Variants in HTR1D observed in about 807,000 individuals in gnomAD.
HTR1D encodes the protein 5-hydroxytryptamine receptor 1D, also known as 5-HT-1D.
A neutral mutation model predicts 21.1 loss-of-function variants in HTR1D; 18 were observed. The observed-to-expected ratio is 0.85, with a 90% CI of 0.59 to 1.27. HTR1D has a LOEUF of 1.27. Ranked by LOEUF, HTR1D falls within the 50% of genes most tolerant of loss-of-function variation. The probability of loss-of-function intolerance (pLI) is 0.00; values close to 1 mark genes in which losing one functional copy is unlikely to be tolerated. For synonymous variants in HTR1D, 196 were observed against 204.4 expected, an observed-to-expected ratio of 0.96 and a Z score of 0.35; for missense variants, 456 against 481.4, an observed-to-expected ratio of 0.95 and a Z score of 0.49.
chr1:23,204,326 C>T (rs897468310), intron 1 of HTR1D, among the ~76,000 whole-genome samples: 2 of 152,250 alleles, frequency 1.3e-5, no homozygotes, highest in Non-Finnish European at 2.9e-5. Flanking sequence ...GGGGTTTCAC[C>T]GTGTTAGCCA....
chr1:23,193,265 C>A lies in HTR1D; in HGVS notation c.955G>T (p.Val319Leu), dbSNP rs567276499. The A allele has an allele frequency of 1.1e-5, 17 of 1,613,988 alleles. No individual in the cohort carries two copies. The highest frequency in any genetic ancestry group is 2.2e-5 in the South Asian group (2 of 91,084). Residue 319 changes from valine to leucine, a missense_variant, in exon 2 of 2, where the codon GTG becomes TTG. By Grantham distance (32) the Val-to-Leu change is conservative. Coordinates refer to ENST00000374619, the MANE Select transcript of HTR1D (RefSeq NM_000864.5). ...AFIICWLPFF[V>L]VSLVLPICRD... ...CAGATGGGGAGGACCAGAGACACCA[C>A]GAAGAAGGGCAGCCAGCAGATGATA... is the stretch of plus-strand genomic sequence containing the variant.
intron 1 of HTR1D, among the ~76,000 whole-genome samples, chr1:23,199,626 CATTAAT>C (rs1644702532): frequency 6.6e-6 from 1 of 151,558 alleles, no homozygotes; most frequent in South Asian, 2.1e-4. Flanking sequence ...GTGGTGAGTA[CATTAAT>C]ATTAATTGTT....
intron 1 of HTR1D, among the ~76,000 whole-genome samples, chr1:23,199,081 C>T (rs939808612): frequency 6.6e-6 from 1 of 151,986 alleles, no homozygotes; most frequent in Admixed American, 6.6e-5. Flanking sequence ...CCTGCCTTGG[C>T]CTCCCAAAGT....
intron 1 of HTR1D, among the ~76,000 whole-genome samples, chr1:23,208,683 G>A (rs1644741954): frequency 6.6e-6 from 1 of 152,116 alleles, no homozygotes; most frequent in African/African-American, 2.4e-5. Flanking sequence ...CTAACTGGGG[G>A]TGGGGGAAAT....
In HTR1D at chr1:23,193,084, G is replaced by A; in HGVS notation, c.*2C>T. ...GATAACAAGAGTCATCACCGAATAA[G>A]ACTAGGAGGCCTTCCGGAAAGGGAC... On this transcript the variant is annotated 3_prime_UTR_variant, in exon 2 of 2. Coordinates refer to ENST00000374619, the MANE Select transcript of HTR1D (RefSeq NM_000864.5). 6.3e-7 allele frequency: 1 copy of A among 1,596,970 alleles called. No homozygotes were observed. The highest frequency in any genetic ancestry group is 8.5e-7 in the Non-Finnish European group (1 of 1,170,186).
intron 1 of HTR1D, among the ~76,000 whole-genome samples, chr1:23,195,425 C>T (rs1433518899): frequency 6.6e-6 from 1 of 151,968 alleles, no homozygotes; most frequent in Non-Finnish European, 1.5e-5. Flanking sequence ...TTCCAAATGT[C>T]CTATAGTGAG....
intron 1 of HTR1D, among the ~76,000 whole-genome samples, chr1:23,216,004 C>A (rs1047359733): frequency 2.0e-5 from 3 of 152,236 alleles, no homozygotes; most frequent in African/African-American, 7.2e-5. Context: ...TAGGTCCCAG[C>A]TTCCTGGATG....
At chr1:23,203,977 T>C (rs1300182240) in intron 1 of HTR1D, among the ~76,000 whole-genome samples, 1 of 152,120 alleles carries the variant, frequency 6.6e-6, no homozygotes, top group Admixed American at 6.5e-5. Flanking sequence ...AGACCGTCTC[T>C]AGAAAAAAAT....
intron 1 of HTR1D, among the ~76,000 whole-genome samples, chr1:23,212,609 C>A (rs558911141): frequency 6.6e-6 from 1 of 152,168 alleles, no homozygotes; most frequent in Non-Finnish European, 1.5e-5. Context: ...GGCAGGGATA[C>A]GGCTTTGTTC....
Position 23,193,393 on chromosome 1 carries a change from T to C in HTR1D, c.827A>G (p.His276Arg), listed in dbSNP as rs1204103440. The change falls in exon 2 of 2, where the codon CAC (histidine) becomes CGC (arginine). Residue 276 changes from histidine (H) to arginine (R), a missense_variant. By Grantham distance (29) the His-to-Arg change is conservative (BLOSUM62 0). Transcript: ENST00000374619. ...ACTGTCAGCAAGCTTGATTTTCACG[T>C]GGTTGAAAAAGAGAGGGGAGCCAGC... ...HSAGSPLFFN[H>R]VKIKLADSAL... 6.2e-7 allele frequency: 1 copy of C among 1,613,978 alleles called. No homozygotes were observed. The highest frequency in any genetic ancestry group is 1.1e-5 in the South Asian group (1 of 91,060).
intron 1 of HTR1D, among the ~76,000 whole-genome samples, chr1:23,195,377 T>G (rs930589611): frequency 7.7e-6 from 1 of 130,000 alleles, no homozygotes. Context: ...CTCTACAAAG[T>G]ATGGGGGGGG....
intron 1 of HTR1D, among the ~76,000 whole-genome samples, chr1:23,208,559 G>A (rs906609723): frequency 3.4e-5 from 5 of 146,234 alleles, no homozygotes; most frequent in South Asian, 4.3e-4. Context: ...CAACAAGAGC[G>A]AAACCCCATC....
intron 1 of HTR1D, among the ~76,000 whole-genome samples, chr1:23,211,499 C>G (rs1557728418): frequency 6.6e-6 from 1 of 151,978 alleles, no homozygotes; most frequent in Non-Finnish European, 1.5e-5. Flanking sequence ...TACCATGTCC[C>G]GAGTTAAAAA....
rs1466457387 is a variant in HTR1D, at chr1:23,193,233, G to C, written c.987C>G (p.Asp329Glu). Reference sequence around the variant, plus strand: ...AGAGCGCCGGGTGGATCCAGCAGGAGTCCCGGCAGATGGGGAGGACCAGAG... The same window carrying C: ...AGAGCGCCGGGTGGATCCAGCAGGACTCCCGGCAGATGGGGAGGACCAGAG... ...VVSLVLPICR[D>E]SCWIHPALFD... is the part of the protein sequence containing the mutation. The change falls in exon 2 of 2, where the codon GAC (aspartate) becomes GAG (glutamate). Residue 329 changes from aspartate to glutamate, a missense_variant. By Grantham distance (45) the Asp-to-Glu change is conservative. Transcript: ENST00000374619. 6.2e-7 allele frequency: 1 copy of C among 1,614,196 alleles called. No individual in the cohort carries two copies. Among genetic ancestry groups the C allele is most frequent in the Non-Finnish European group, 8.5e-7 (1 of 1,180,044 alleles).
chr1:23,212,659 G>A (rs995881425), intron 1 of HTR1D, among the ~76,000 whole-genome samples: 7 of 152,094 alleles, frequency 4.6e-5, no homozygotes, highest in Non-Finnish European at 8.8e-5. Flanking sequence ...CAGATGCTGA[G>A]ATTTACTCAA....
intron 1 of HTR1D, among the ~76,000 whole-genome samples, chr1:23,199,786 G>A (rs2746560): frequency 0.35 from 53,389 of 151,900 alleles, 9,897 homozygotes; most frequent in African/African-American, 0.47. Context: ...GCTCACTGCA[G>A]CCTCCGCCTT....
chr1:23,205,289 G>A (rs1276922881), intron 1 of HTR1D, among the ~76,000 whole-genome samples: 2 of 152,178 alleles, frequency 1.3e-5, no homozygotes, highest in African/African-American at 4.8e-5. Flanking sequence ...ATAGGGTGCA[G>A]TGTGTGCTGC....
chr1:23,198,963 C>A (rs1644699934), intron 1 of HTR1D, among the ~76,000 whole-genome samples: 1 of 152,206 alleles, frequency 6.6e-6, no homozygotes. Context: ...TTAAGCGATT[C>A]TCCTGCCTCA....
chr1:23,197,506 G>A (rs1047825902), intron 1 of HTR1D, among the ~76,000 whole-genome samples: 8 of 152,084 alleles, frequency 5.3e-5, no homozygotes, highest in African/African-American at 9.7e-5. Context: ...TGAGGCGTGT[G>A]GATCACCTGA....
Sources: allele counts gnomAD v4.1 joint callset (sites outside exome capture counted in the v4.1 genomes callset), GRCh38; gene constraint gnomAD v4.1.1; transcripts MANE v1.5; gene names NCBI Gene and HGNC (gene_info 2026-07-23, HGNC 2026-07-21).